SPOCK3: variants seen among roughly 807,000 people sequenced by gnomAD.
SPOCK3 encodes the protein SPARC (osteonectin), cwcv and kazal like domains proteoglycan 3, also known as testican-3.
SPOCK3 carries 30 observed loss-of-function variants against 56.6 expected under a neutral mutation model. The observed-to-expected ratio is 0.53, with a 90% CI of 0.40 to 0.72. The LOEUF (loss-of-function observed/expected upper bound fraction) is 0.72. SPOCK3 is among the 30% of genes least tolerant of loss of function. The pLI, the probability that SPOCK3 is intolerant of heterozygous loss-of-function variation, is 0.00. For synonymous variants in SPOCK3, 196 were observed against 183.3 expected (o/e 1.07, Z -0.56); for missense variants, 527 against 530.0 (o/e 0.99, Z 0.06).
intron 2 of SPOCK3, among the ~76,000 whole-genome samples, chr4:167,097,391 G>A (rs1251109103): frequency 6.7e-6 from 1 of 149,054 alleles, no homozygotes; most frequent in Admixed American, 6.7e-5. Flanking sequence ...CTCTTTTCTT[G>A]ACATTAGGCT....
intron 4 of SPOCK3, among the ~76,000 whole-genome samples, chr4:166,954,019 G>T (rs930998433): frequency 1.3e-5 from 2 of 152,044 alleles, no homozygotes; most frequent in African/African-American, 4.8e-5. Flanking sequence ...CACTAGCATG[G>T]CACATGTATA....
At chr4:167,184,341 G>C (rs958065625) in intron 2 of SPOCK3, among the ~76,000 whole-genome samples, 4 of 152,042 alleles carry the variant, frequency 2.6e-5, no homozygotes, top group Admixed American at 6.6e-5. Context: ...TGGACACTTG[G>C]TTATGTATGT....
rs184369458 is a variant in SPOCK3, at chr4:166,819,189, G to C, written c.590-26900C>G. The stretch of plus-strand genomic sequence containing the variant: ...CCATTCATTCATTCTCAAGAAAAAT[G>C]CTCAAAAAACTAGGAATGAGAGGGA... On this transcript the variant is annotated intron_variant, in intron 6 of 10. Coordinates refer to ENST00000357545, the MANE Select transcript of SPOCK3 (RefSeq NM_001040159.2). Among the ~76,000 whole-genome samples the C allele has an allele frequency of 1.5e-4, 23 of 152,038 alleles. No homozygotes were observed. In the East Asian group the frequency reaches 3.7e-3, roughly 24 times the overall value.
chr4:166,857,328 G>A (rs907294350), intron 6 of SPOCK3, among the ~76,000 whole-genome samples: 2 of 152,156 alleles, frequency 1.3e-5, no homozygotes, highest in African/African-American at 4.8e-5. Flanking sequence ...AAGCTGAGCT[G>A]CATTCACACT....
At chr4:167,024,034 T>C (rs1214912474) in intron 3 of SPOCK3, among the ~76,000 whole-genome samples, 2 of 152,026 alleles carry the variant, frequency 1.3e-5, no homozygotes, top group Non-Finnish European at 2.9e-5. Flanking sequence ...ATGCAGATGC[T>C]ATTAACGGTG....
intron 4 of SPOCK3, among the ~76,000 whole-genome samples, chr4:166,959,123 G>A (rs149579157): frequency 6.6e-6 from 1 of 152,306 alleles, no homozygotes; most frequent in East Asian, 1.9e-4. Flanking sequence ...AAATGTTGTT[G>A]TTATTGCAGA....
intron 4 of SPOCK3, among the ~76,000 whole-genome samples, chr4:166,969,557 G>A (rs769174412): frequency 8.5e-5 from 11 of 129,810 alleles, no homozygotes; most frequent in Admixed American, 2.0e-4. Flanking sequence ...GTGTTTAAAT[G>A]TGTTTAGCAC....
chr4:167,008,857 C>A (rs1435482859), intron 3 of SPOCK3, among the ~76,000 whole-genome samples: 1 of 151,918 alleles, frequency 6.6e-6, no homozygotes, highest in Non-Finnish European at 1.5e-5. Context: ...GGGAGGGAAG[C>A]AGGGGAAGGA....
chr4:167,109,313 A>G (rs1458529855), intron 2 of SPOCK3, among the ~76,000 whole-genome samples: 3 of 89,644 alleles, frequency 3.3e-5, no homozygotes, highest in East Asian at 3.3e-4. Context: ...TTATTAATAT[A>G]TTAATATATT....
At chr4:166,869,699 C>T (rs1398019946) in intron 6 of SPOCK3, among the ~76,000 whole-genome samples, 1 of 151,390 alleles carries the variant, frequency 6.6e-6, no homozygotes, top group African/African-American at 2.4e-5. Flanking sequence ...AAGTCATTCC[C>T]ATACTTATAC....
At chr4:166,910,739 T>A (rs1046096528) in intron 5 of SPOCK3, among the ~76,000 whole-genome samples, 2 of 152,172 alleles carry the variant, frequency 1.3e-5, no homozygotes, top group East Asian at 3.9e-4. Flanking sequence ...CTGGGGATGA[T>A]GACACCCTAG....
At chr4:166,739,634 T>A (rs901017905) in intron 9 of SPOCK3, among the ~76,000 whole-genome samples, 2 of 152,122 alleles carry the variant, frequency 1.3e-5, no homozygotes, top group African/African-American at 4.8e-5. Context: ...TGAAGTCGTG[T>A]TTTTTAATAA....
chr4:166,753,379 A>T (rs1736669548), intron 8 of SPOCK3, among the ~76,000 whole-genome samples: 1 of 151,988 alleles, frequency 6.6e-6, no homozygotes, highest in East Asian at 1.9e-4. Context: ...CACATATGTA[A>T]TGTAGCCAAC....
chr4:166,874,137 G>A (rs1329586752), intron 6 of SPOCK3, among the ~76,000 whole-genome samples: 1 of 152,050 alleles, frequency 6.6e-6, no homozygotes, highest in Non-Finnish European at 1.5e-5. Context: ...TGGGGTAGAG[G>A]TTGTACAAGT....
chr4:167,037,451 C>T lies in SPOCK3; in HGVS notation c.235+25041G>A, dbSNP rs527397589. On this transcript the variant is annotated intron_variant, in intron 3 of 10. Coordinates refer to ENST00000357545, the MANE Select transcript of SPOCK3 (RefSeq NM_001040159.2). ...GAGCCGAGATTGCACCACTGCACTCCGGCCTGGGCGACAGAGCCAGACTTC... is the reference window on the plus strand; with the variant it reads ...GAGCCGAGATTGCACCACTGCACTCTGGCCTGGGCGACAGAGCCAGACTTC... Among the ~76,000 whole-genome samples, 65 of 149,460 alleles carry T rather than the reference C, an allele frequency of 4.3e-4. 2 individuals carry two copies. The East Asian group carries it at 8.8e-3, about 20-fold the overall frequency.
chr4:167,018,503 C>T (rs115351738), intron 3 of SPOCK3, among the ~76,000 whole-genome samples: 1,776 of 152,178 alleles, frequency 0.012, 38 homozygotes, highest in African/African-American at 0.04. Context: ...AATAAAAGAA[C>T]AGTGGAAAAG....
At chr4:166,820,194 T>C (rs1560893336) in intron 6 of SPOCK3, among the ~76,000 whole-genome samples, 1 of 152,090 alleles carries the variant, frequency 6.6e-6, no homozygotes, top group Non-Finnish European at 1.5e-5. Context: ...CAGTTATTTA[T>C]AAAAACACAT....
intron 2 of SPOCK3, among the ~76,000 whole-genome samples, chr4:167,070,589 T>G (rs1233977011): frequency 6.6e-6 from 1 of 151,916 alleles, no homozygotes; most frequent in Non-Finnish European, 1.5e-5. Context: ...TGTATTTTGA[T>G]AGCTTGGATA....
chr4:166,950,165 A>T, intron 4 of SPOCK3, among the ~76,000 whole-genome samples: 1 of 151,750 alleles, frequency 6.6e-6, no homozygotes. Context: ...GTCAAGACCC[A>T]TCAGTGTGCT....
Sources: gnomAD v4.1 joint callset for allele counts (sites outside exome capture counted in the v4.1 genomes callset) on GRCh38, gnomAD v4.1.1 for gene constraint, MANE v1.5 for transcripts, NCBI Gene and HGNC (gene_info 2026-07-23, HGNC 2026-07-21) for gene names.